Variants in CAMTA1 observed in about 807,000 individuals in gnomAD.
The protein encoded by CAMTA1 is calmodulin binding transcription activator 1.
Under a neutral mutation model 170.9 loss-of-function variants are expected in CAMTA1, and 27 were observed. The observed-to-expected ratio is 0.16, with a 90% CI of 0.12 to 0.22. The LOEUF is 0.22. Ranked by LOEUF, CAMTA1 falls within the 10% of genes least tolerant of loss-of-function variation. The probability of loss-of-function intolerance (pLI) is 1.00; values close to 1 mark genes in which losing one functional copy is unlikely to be tolerated. For synonymous variants in CAMTA1, 833 were observed against 891.5 expected, an observed-to-expected ratio of 0.93 and a Z score of 1.17; for missense variants, 1,619 against 2,217.2, an observed-to-expected ratio of 0.73 and a Z score of 5.42.
At position 7,335,152 on chromosome 1, in the gene CAMTA1, G is replaced by T. The variant is rs1557537489; in HGVS notation, c.438+85526G>T. 4.2e-3 allele frequency among the ~76,000 whole-genome samples: 469 copies of T among 112,762 alleles called. 1 individual carries two copies. Among genetic ancestry groups the T allele is most frequent in the Middle Eastern group, 0.013 (3 of 224 alleles). The allele number at this position is 112,762 out of a possible 152,430, so 74.0% of individuals were successfully genotyped here. A position where few individuals can be genotyped will look rare whatever the true frequency, so the allele number is the denominator to read the frequency against. ...TGTGTGTGTGTGTGGGGGGGGGGGG[G>T]GGGGGTGGGGGTGGGGGGTGTCAGA... is the stretch of plus-strand genomic sequence containing the variant. On this transcript the variant is annotated intron_variant, in intron 5 of 22. Transcript: ENST00000303635.
chr1:7,040,424 ATG>A (rs1294898677), intron 3 of CAMTA1, among the ~76,000 whole-genome samples: 1 of 152,162 alleles, frequency 6.6e-6, no homozygotes, highest in Non-Finnish European at 1.5e-5. Context: ...AGAGCCTAGT[ATG>A]TAAATAATCC....
intron 6 of CAMTA1, among the ~76,000 whole-genome samples, chr1:7,638,712 T>G (rs2095735920): frequency 6.6e-6 from 1 of 152,182 alleles, no homozygotes; most frequent in African/African-American, 2.4e-5. Context: ...TTTTCTGGCT[T>G]ATCCAGATGC....
intron 4 of CAMTA1, among the ~76,000 whole-genome samples, chr1:7,225,971 G>C (rs543973152): frequency 7.2e-5 from 11 of 152,170 alleles, no homozygotes; most frequent in Non-Finnish European, 1.5e-4. Context: ...GGTATCCTAG[G>C]ATGGCAGATG....
At chr1:7,727,769 C>A (rs773249888) in intron 11 of CAMTA1, among the ~76,000 whole-genome samples, 1 of 152,180 alleles carries the variant, frequency 6.6e-6, no homozygotes, top group Non-Finnish European at 1.5e-5. Context: ...CCAAAACAAG[C>A]GTAAAGGCGT....
intron 5 of CAMTA1, among the ~76,000 whole-genome samples, chr1:7,415,465 T>C (rs2091094060): frequency 6.6e-6 from 1 of 151,888 alleles, no homozygotes; most frequent in Non-Finnish European, 1.5e-5. Context: ...CATATATATT[T>C]AGGATAGTTA....
chr1:7,454,705 G>T (rs2092910379), intron 5 of CAMTA1, among the ~76,000 whole-genome samples: 1 of 151,956 alleles, frequency 6.6e-6, no homozygotes, highest in Admixed American at 6.5e-5. Context: ...CCTCCTGAGG[G>T]TCTGAGGCCT....
chr1:7,237,890 G>A (rs989991007), intron 4 of CAMTA1, among the ~76,000 whole-genome samples: 1 of 152,200 alleles, frequency 6.6e-6, no homozygotes, highest in African/African-American at 2.4e-5. Flanking sequence ...GAGAACATGT[G>A]CTATATGACA....
intron 5 of CAMTA1, among the ~76,000 whole-genome samples, chr1:7,448,056 G>A (rs1025032690): frequency 3.3e-5 from 5 of 152,182 alleles, no homozygotes; most frequent in Non-Finnish European, 5.9e-5. Flanking sequence ...GCTCCTCTGC[G>A]GCCGCTGTCT....
chr1:7,430,758 C>T (rs1019320035), intron 5 of CAMTA1, among the ~76,000 whole-genome samples: 2 of 152,192 alleles, frequency 1.3e-5, no homozygotes, highest in African/African-American at 2.4e-5. Flanking sequence ...GGAGAGGCCT[C>T]TATTTCTGCC....
At chr1:7,655,533 T>C (rs914299631) in intron 7 of CAMTA1, among the ~76,000 whole-genome samples, 3 of 139,484 alleles carry the variant, frequency 2.2e-5, no homozygotes, top group Non-Finnish European at 3.1e-5. Flanking sequence ...CCCACACACA[T>C]ACACACTGAT....
At chr1:7,553,400 C>T (rs569577617) in intron 6 of CAMTA1, among the ~76,000 whole-genome samples, 1 of 152,326 alleles carries the variant, frequency 6.6e-6, no homozygotes, top group African/African-American at 2.4e-5. Context: ...TCATCCATTC[C>T]CAGAGCCATC....
intron 4 of CAMTA1, among the ~76,000 whole-genome samples, chr1:7,171,152 TG>T (rs1206893922): frequency 6.6e-6 from 1 of 152,236 alleles, no homozygotes; most frequent in African/African-American, 2.4e-5. Context: ...GTTTTCAACC[TG>T]TTCTCCTGGA....
At position 7,216,121 on chromosome 1, in the gene CAMTA1, C is replaced by T. The variant is rs1239653343; in HGVS notation, c.303-33370C>T. 3.3e-5 allele frequency among the ~76,000 whole-genome samples: 5 copies of T among 152,140 alleles called. No individual in the cohort carries two copies. Among genetic ancestry groups the T allele is most frequent in the Non-Finnish European group, 2.9e-5 (2 of 68,028 alleles). The stretch of plus-strand genomic sequence containing the variant: ...CATGGCAGAAGGCGAAGGGGAAGCC[C>T]GCGTGTCCTGCGTGGCTGGAGCAGG... On this transcript the variant is annotated intron_variant, in intron 4 of 22. Coordinates refer to ENST00000303635, the MANE Select transcript of CAMTA1 (RefSeq NM_015215.4). This position sits in a 1 kb window ranked among gnomAD's most constrained non-coding sequence, Gnocchi z 4.0.
chr1:7,731,267 G>A (rs569430673), intron 11 of CAMTA1, among the ~76,000 whole-genome samples: 3 of 152,232 alleles, frequency 2.0e-5, no homozygotes, highest in African/African-American at 7.2e-5. Context: ...TGTCTCCGAT[G>A]AGACATGGGT....
intron 3 of CAMTA1, among the ~76,000 whole-genome samples, chr1:7,070,051 C>G (rs1407045890): frequency 6.6e-6 from 1 of 152,224 alleles, no homozygotes; most frequent in East Asian, 1.9e-4. Flanking sequence ...CGGTGAGCCG[C>G]AGCTCCCTCG....
intron 6 of CAMTA1, among the ~76,000 whole-genome samples, chr1:7,621,781 A>G (rs943115124): frequency 5.3e-5 from 8 of 152,204 alleles, no homozygotes; most frequent in African/African-American, 1.9e-4. Context: ...CGGGGGTGCC[A>G]GCAACACAGC....
rs763443390 is a variant in CAMTA1, at chr1:7,671,079, G to A, written c.2779+42G>A. 9 of 1,605,600 alleles carry A rather than the reference G, an allele frequency of 5.6e-6. No individual in the cohort carries two copies. In the South Asian group the frequency reaches 8.8e-5, roughly 16 times the overall value. ...CCAGGCCCCCAAGGTGAGTGTGATGGCCTGAGGAGCACTGGACTCGGAGTT... is the reference window on the plus strand; with the variant it reads ...CCAGGCCCCCAAGGTGAGTGTGATGACCTGAGGAGCACTGGACTCGGAGTT... On this transcript the variant is annotated intron_variant, in intron 10 of 22. Transcript: ENST00000303635.
chr1:7,214,181 C>T (rs1659322197), intron 4 of CAMTA1, among the ~76,000 whole-genome samples: 1 of 152,120 alleles, frequency 6.6e-6, no homozygotes. Context: ...GAGGAATCGC[C>T]ACACTGACTT....
chr1:7,239,629 AGGTCAATTT>A (rs1379278829), intron 4 of CAMTA1, among the ~76,000 whole-genome samples: 3 of 135,840 alleles, frequency 2.2e-5, no homozygotes, highest in Admixed American at 1.6e-4. Context: ...AATAGCTTCA[AGGTCAATTT>A]TTTTTTTTTT....
Sources: gnomAD v4.1 joint callset for allele counts (sites outside exome capture counted in the v4.1 genomes callset) on GRCh38, gnomAD v4.1.1 for gene constraint, Gnocchi (gnomAD v3.1) non-coding constraint, MANE v1.5 for transcripts, NCBI Gene and HGNC (gene_info 2026-07-23, HGNC 2026-07-21) for gene names.